Variants in RNF13 observed in about 807,000 individuals in gnomAD.
RNF13 encodes ring finger protein 13.
In RNF13, 19 loss-of-function variants were observed where a neutral mutation model predicts 37.7. That is an observed-to-expected ratio of 0.50 (90% CI 0.35 to 0.74). RNF13 has a LOEUF of 0.74. RNF13 is among the 30% of genes least tolerant of loss of function. RNF13 has a pLI of 0.01. For missense variants in RNF13, 375 were observed against 453.0 expected (o/e 0.83, Z 1.56); for synonymous variants, 144 against 157.8 (o/e 0.91, Z 0.65).
intron 8 of RNF13, among the ~76,000 whole-genome samples, chr3:149,945,796 C>A (rs1222475843): frequency 6.6e-6 from 1 of 152,162 alleles, no homozygotes; most frequent in Non-Finnish European, 1.5e-5. Flanking sequence ...TGCTGATACC[C>A]AGGCAAAAAG....
chr3:149,869,032 T>TA (rs1711676168), intron 3 of RNF13, among the ~76,000 whole-genome samples: 1 of 151,936 alleles, frequency 6.6e-6, no homozygotes, highest in South Asian at 2.1e-4. Flanking sequence ...TTTATTGCTT[T>TA]TCACTCTTTT....
chr3:149,860,600 A>G (rs1347109613), intron 3 of RNF13, among the ~76,000 whole-genome samples: 1 of 152,094 alleles, frequency 6.6e-6, no homozygotes, highest in African/African-American at 2.4e-5. Flanking sequence ...CTCATCTCTG[A>G]CCATATACAA....
chr3:149,867,517 G>A (rs778398971), intron 3 of RNF13, among the ~76,000 whole-genome samples: 5 of 151,516 alleles, frequency 3.3e-5, no homozygotes, highest in African/African-American at 7.2e-5. Flanking sequence ...CACCTGCCTC[G>A]GCCTCCCAAA....
At chr3:149,927,376 T>C (rs1718754586) in intron 8 of RNF13, among the ~76,000 whole-genome samples, 1 of 152,284 alleles carries the variant, frequency 6.6e-6, no homozygotes, top group South Asian at 2.1e-4. Context: ...ATTTTGTTTA[T>C]TCATTCATCT....
In RNF13 at chr3:149,881,663, C is replaced by T. The variant is rs376957885; in HGVS notation, c.321+9509C>T. ...GATCTTTAATAATTTAAGTTCCAAG[C>T]GTTTTGGCTTCTGTTTTTTGGTATA... On this transcript the variant is annotated intron_variant, in intron 4 of 9. Transcript: ENST00000392894. Among the ~76,000 whole-genome samples the T allele has an allele frequency of 3.1e-4, 47 of 152,194 alleles. No individual in the cohort carries two copies. The South Asian group carries it at 8.1e-3, about 26-fold the overall frequency.
In RNF13 at chr3:149,846,109, A is replaced by G. The variant is rs750836587; in HGVS notation, c.83A>G (p.Asn28Ser). 1.2e-6 allele frequency: 2 copies of G among 1,612,822 alleles called. No individual in the cohort carries two copies. Among genetic ancestry groups the G allele is most frequent in the East Asian group, 2.2e-5 (1 of 44,876 alleles). ...ILTVQLFAFL[N>S]LLPVEADILA... Reference sequence around the variant, plus strand: ...ACTGTCCAGCTCTTTGCATTCTTAAACCTACTGCCTGTAGAAGCAGACATT... The same window carrying G: ...ACTGTCCAGCTCTTTGCATTCTTAAGCCTACTGCCTGTAGAAGCAGACATT... The change falls in exon 2 of 10, where the codon AAC (asparagine) becomes AGC (serine). Residue 28 changes from asparagine to serine, a missense_variant. Physicochemically the swap from Asn to Ser is conservative, Grantham distance 46. Coordinates refer to ENST00000392894, the MANE Select transcript of RNF13 (RefSeq NM_183381.3).
chr3:149,899,002 G>A (rs979498488), intron 5 of RNF13, among the ~76,000 whole-genome samples: 2 of 152,134 alleles, frequency 1.3e-5, no homozygotes, highest in Non-Finnish European at 2.9e-5. Context: ...CAAAGATAAA[G>A]CATGCTTGGT....
intron 4 of RNF13, among the ~76,000 whole-genome samples, chr3:149,881,202 C>T (rs1198106758): frequency 2.0e-5 from 3 of 152,116 alleles, no homozygotes. Flanking sequence ...TTTGCCTAAG[C>T]ACTTCTAAGT....
At chr3:149,891,738 CTG>C (rs143313496) in intron 4 of RNF13, among the ~76,000 whole-genome samples, 2,592 of 152,294 alleles carry the variant, frequency 0.017, 81 homozygotes, top group African/African-American at 0.058. Context: ...GATTTGTTCA[CTG>C]TGCATGCTTT....
At chr3:149,886,876 TC>T (rs1321498541) in intron 4 of RNF13, among the ~76,000 whole-genome samples, 1 of 152,252 alleles carries the variant, frequency 6.6e-6, no homozygotes, top group Non-Finnish European at 1.5e-5. Flanking sequence ...TTGCTTTCAT[TC>T]ATCTCAAAGT....
chr3:149,895,434 CT>C, intron 4 of RNF13, 38 bp from the exon 5 acceptor site: 1 of 1,243,466 alleles, frequency 8.0e-7, no homozygotes, highest in Non-Finnish European at 1.1e-6. Context: ...CACTGTCTTC[CT>C]TATAACATAA....
intron 1 of RNF13, among the ~76,000 whole-genome samples, chr3:149,814,593 A>G (rs533004251): frequency 3.9e-5 from 6 of 152,348 alleles, no homozygotes; most frequent in Middle Eastern, 3.4e-3. Flanking sequence ...ATACCAGAGG[A>G]CATTGTATGG....
At chr3:149,892,555 A>G (rs1362100067) in intron 4 of RNF13, among the ~76,000 whole-genome samples, 1 of 152,132 alleles carries the variant, frequency 6.6e-6, no homozygotes, top group African/African-American at 2.4e-5. Context: ...CTGTTAGGAA[A>G]TGGGCCGCAT....
intron 4 of RNF13, among the ~76,000 whole-genome samples, chr3:149,892,887 A>G (rs1338077458): frequency 1.3e-5 from 2 of 152,178 alleles, no homozygotes; most frequent in Non-Finnish European, 2.9e-5. Context: ...GAAGAAAAAT[A>G]TAAATAGATT....
At chr3:149,850,394 A>G (rs970776051) in intron 2 of RNF13, among the ~76,000 whole-genome samples, 1 of 152,186 alleles carries the variant, frequency 6.6e-6, no homozygotes, top group African/African-American at 2.4e-5. Context: ...CTGTAGGAAC[A>G]TTTTTTGTTT....
At chr3:149,818,953 C>G (rs1477242851) in intron 1 of RNF13, among the ~76,000 whole-genome samples, 1 of 152,032 alleles carries the variant, frequency 6.6e-6, no homozygotes, top group African/African-American at 2.4e-5. Flanking sequence ...AATCCCCTGG[C>G]TTATCTATGA....
At chr3:149,831,618 C>T (rs777710554) in intron 1 of RNF13, among the ~76,000 whole-genome samples, 2 of 152,152 alleles carry the variant, frequency 1.3e-5, no homozygotes, top group Non-Finnish European at 2.9e-5. Context: ...ACGGACTTAC[C>T]TTGTTTCAGA....
At chr3:149,939,771 C>A in intron 8 of RNF13, 1 of 599,522 alleles carries the variant, frequency 1.7e-6, no homozygotes, top group Non-Finnish European at 3.2e-6. Context: ...TCAGAGGGCT[C>A]ATGTCCATGT....
At chr3:149,881,661 A>G (rs192225519) in intron 4 of RNF13, among the ~76,000 whole-genome samples, 19 of 152,290 alleles carry the variant, frequency 1.2e-4, no homozygotes, top group Admixed American at 1.0e-3. Flanking sequence ...TTAAGTTCCA[A>G]GCGTTTTGGC....
Sources: allele counts gnomAD v4.1 joint callset (sites outside exome capture counted in the v4.1 genomes callset), GRCh38; gene constraint gnomAD v4.1.1; transcripts MANE v1.5; gene names NCBI Gene and HGNC (gene_info 2026-07-23, HGNC 2026-07-21).